Variants in SCN9A observed in about 807,000 individuals in gnomAD.
SCN9A encodes the protein sodium channel protein type 9 subunit alpha.
Under a neutral mutation model 187.0 loss-of-function variants are expected in SCN9A, and 131 were observed. That is an observed-to-expected ratio of 0.70 (90% CI 0.61 to 0.81). SCN9A has a LOEUF of 0.81. Ranked by LOEUF, SCN9A falls within the 30% of genes least tolerant of loss-of-function variation. The pLI is 0.00. For synonymous variants in SCN9A, 809 were observed against 808.6 expected (o/e 1.00, Z -0.01); for missense variants, 2,252 against 2,396.6 (o/e 0.94, Z 1.26).
Position 166,294,625 on chromosome 2 carries a change from G to T in SCN9A, c.939C>A (p.Leu313=), listed in dbSNP as rs1044900250. ...FYYLEGSKDA[L]LCGFSTDSGQ... ...CTGAATCTGTGCTGAAACCACAAAG[G>T]AGAGCATCTTTGGATCCTTCCAAGT... Residue 313 remains leucine, a synonymous_variant, in exon 8 of 27, where the codon CTC becomes CTA. Transcript: ENST00000642356. The T allele has an allele frequency of 6.2e-7, 1 of 1,610,484 alleles. No individual in the cohort carries two copies.
intron 7 of SCN9A, among the ~76,000 whole-genome samples, chr2:166,297,729 G>A (rs1371855256): frequency 6.6e-6 from 1 of 151,654 alleles, no homozygotes; most frequent in African/African-American, 2.4e-5. Context: ...TAAAAAATGA[G>A]TTATACAGTT....
At chr2:166,232,713 T>C (rs975548874) in intron 21 of SCN9A, among the ~76,000 whole-genome samples, 1 of 145,720 alleles carries the variant, frequency 6.9e-6, no homozygotes, top group Non-Finnish European at 1.5e-5. Context: ...TGTTAAACAA[T>C]ATGCACTGAA....
At chr2:166,360,601 TG>T (rs2105314402) in intron 1 of SCN9A, among the ~76,000 whole-genome samples, 1 of 152,328 alleles carries the variant, frequency 6.6e-6, no homozygotes, top group African/African-American at 2.4e-5. Flanking sequence ...GTAATAACTT[TG>T]GCACCAGGCA....
chr2:166,264,845 T>C (rs1327978595), intron 17 of SCN9A, among the ~76,000 whole-genome samples: 3 of 151,978 alleles, frequency 2.0e-5, no homozygotes, highest in Non-Finnish European at 4.4e-5. Context: ...AGGGGAAATA[T>C]ACCCATAGCC....
At chr2:166,306,903 G>T in intron 3 of SCN9A, 53 bp downstream of exon 3, 3 of 1,021,562 alleles carry the variant, frequency 2.9e-6, no homozygotes, top group Non-Finnish European at 4.4e-6. Context: ...GAATAAAATA[G>T]CAAAAATTAC....
At position 166,272,669 on chromosome 2, in the gene SCN9A, T is replaced by G. The variant is rs756068410; in HGVS notation, c.3081A>C (p.Ala1027=). Residue 1027 remains alanine (A), a synonymous_variant, in exon 17 of 27, where the codon GCA becomes GCC. Transcript: ENST00000642356. ...TTTCCTTCTTAGTATTCAGATCTTC[T>G]GCTTGTCTTATCTCCCTGGAAATCT... is the stretch of plus-strand genomic sequence containing the variant. The part of the protein sequence containing the change: ...KPKISREIRQ[A]EDLNTKKENY... 1.2e-6 allele frequency: 2 copies of G among 1,612,108 alleles called. No individual in the cohort carries two copies. Among genetic ancestry groups the G allele is most frequent in the Non-Finnish European group, 1.7e-6 (2 of 1,179,062 alleles).
chr2:166,343,893 A>C (rs1699843775), intron 1 of SCN9A, among the ~76,000 whole-genome samples: 1 of 152,226 alleles, frequency 6.6e-6, no homozygotes, highest in Admixed American at 6.5e-5. Flanking sequence ...ATAATGTACA[A>C]ATCATTTTAT....
At position 166,288,304 on chromosome 2, in the gene SCN9A, G is replaced by T. The variant is rs925200794; in HGVS notation, c.1314+133C>A. 3 of 619,492 alleles carry T rather than the reference G, an allele frequency of 4.8e-6. No individual in the cohort carries two copies. The African/African-American group carries it at 5.6e-5, about 11-fold the overall frequency. The allele number at this position is 619,492 out of a possible 1,614,324, so 38.4% of individuals were successfully genotyped here. On this transcript the variant is annotated intron_variant, in intron 10 of 26. Coordinates refer to ENST00000642356, the MANE Select transcript of SCN9A (RefSeq NM_001365536.1). Reference sequence around the variant, plus strand: ...TGGTTCCTTTTTCCACACCAGAAATGAGGATACAGTTTATACACAAAAATT... The same window carrying T: ...TGGTTCCTTTTTCCACACCAGAAATTAGGATACAGTTTATACACAAAAATT...
At chr2:166,340,497 C>T (rs569502538) in intron 1 of SCN9A, among the ~76,000 whole-genome samples, 138 of 150,342 alleles carry the variant, frequency 9.2e-4, no homozygotes, top group African/African-American at 3.3e-3. Flanking sequence ...TTTTTTCTTT[C>T]TTTCTTTCTT....
At chr2:166,288,114 T>C (rs201204964) in intron 10 of SCN9A, among the ~76,000 whole-genome samples, 10,544 of 96,466 alleles carry the variant, frequency 0.11, 523 homozygotes, top group East Asian at 0.2. Context: ...TATATATATA[T>C]ATATATACAC....
intron 1 of SCN9A, among the ~76,000 whole-genome samples, chr2:166,312,961 G>T (rs1467749194): frequency 8.1e-6 from 1 of 123,840 alleles, no homozygotes; most frequent in Non-Finnish European, 1.9e-5. Flanking sequence ...ATTCTTAAGA[G>T]ATTTTCTGAA....
At chr2:166,250,354 A>T (rs554684159) in intron 18 of SCN9A, among the ~76,000 whole-genome samples, 11 of 152,280 alleles carry the variant, frequency 7.2e-5, no homozygotes, top group African/African-American at 2.6e-4. Context: ...TAAGAAAAGT[A>T]GAAGAAGGAA....
rs1047427173 is a variant in SCN9A at position 166,304,410 on chromosome 2, A to G, written c.597-81T>C. The G allele has an allele frequency of 7.5e-6, 9 of 1,201,042 alleles. 1 individual carries two copies. The highest frequency in any genetic ancestry group is 2.8e-4 in the Middle Eastern group (1 of 3,626). The allele number at this position is 1,201,042 out of a possible 1,614,324, so 74.4% of individuals were successfully genotyped here. A position where few individuals can be genotyped will look rare whatever the true frequency, so the allele number is the denominator to read the frequency against. On this transcript the variant is annotated intron_variant, in intron 5 of 26. Transcript: ENST00000642356. ...TGAGCCTTTAGTCAAGGTATTTTCT[A>G]CGTTTGGGGCTTCTATTTTAAATGT...
intron 20 of SCN9A, among the ~76,000 whole-genome samples, chr2:166,235,565 G>A (rs963206707): frequency 1.3e-5 from 2 of 152,024 alleles, no homozygotes; most frequent in African/African-American, 4.8e-5. Context: ...ATGTCTTGGG[G>A]TTGGGGGCAG....
chr2:166,217,160 T>C (rs1051411404), intron 24 of SCN9A, among the ~76,000 whole-genome samples: 2 of 152,038 alleles, frequency 1.3e-5, no homozygotes, highest in Non-Finnish European at 2.9e-5. Context: ...ATATTCCTTA[T>C]GCAAAAGAAT....
intron 8 of SCN9A, among the ~76,000 whole-genome samples, chr2:166,294,228 G>C (rs1405645974): frequency 1.3e-5 from 2 of 152,176 alleles, no homozygotes; most frequent in African/African-American, 2.4e-5. Context: ...CATTTAATTG[G>C]AGAATGAGTG....
intron 23 of SCN9A, 89 bp from the exon 24 acceptor site, chr2:166,226,793 G>C: frequency 3.3e-6 from 3 of 921,024 alleles, no homozygotes. Flanking sequence ...TTCAAACAGT[G>C]CTATCCTAGG....
intron 20 of SCN9A, among the ~76,000 whole-genome samples, chr2:166,234,795 T>G (rs1340482572): frequency 6.6e-6 from 1 of 152,152 alleles, no homozygotes; most frequent in Non-Finnish European, 1.5e-5. Context: ...TTGTCCCTTT[T>G]GAAACTCATG....
chr2:166,322,547 A>C (rs1005981087), intron 1 of SCN9A, among the ~76,000 whole-genome samples: 3 of 152,180 alleles, frequency 2.0e-5, no homozygotes, highest in Non-Finnish European at 4.4e-5. Flanking sequence ...TAAAGTGCTT[A>C]ACAGGAAGAG....
Sources: gnomAD v4.1 joint callset for allele counts (sites outside exome capture counted in the v4.1 genomes callset) on GRCh38, gnomAD v4.1.1 for gene constraint, MANE v1.5 for transcripts, NCBI Gene and HGNC (gene_info 2026-07-23, HGNC 2026-07-21) for gene names.